Variants in MYO10 observed in about 807,000 individuals in gnomAD.
The protein encoded by MYO10 is myosin X, also known as unconventional myosin-X.
In MYO10, 133 loss-of-function variants were observed where a neutral mutation model predicts 257.3. The ratio of observed to expected loss-of-function variants is 0.52; its 90% CI spans 0.45 to 0.60. The LOEUF is 0.60. Ranked by LOEUF, MYO10 falls within the 20% of genes least tolerant of loss-of-function variation. The pLI is 0.00. For missense variants in MYO10, 2,399 were observed against 2,635.7 expected (o/e 0.91, Z 1.97); for synonymous variants, 1,104 against 1,028.6 (o/e 1.07, Z -1.40).
At chr5:16,932,585 C>T (rs62371044) in intron 1 of MYO10, among the ~76,000 whole-genome samples, 4,577 of 152,184 alleles carry the variant, frequency 0.03, 109 homozygotes, top group Non-Finnish European at 0.045. Flanking sequence ...AGCATACACA[C>T]AATTAACTCG....
chr5:16,778,424 A>C (rs1310546598), intron 9 of MYO10, among the ~76,000 whole-genome samples: 1 of 152,164 alleles, frequency 6.6e-6, no homozygotes, highest in Non-Finnish European at 1.5e-5. Context: ...TTAGGCAGAT[A>C]AAATGGGGTC....
intron 1 of MYO10, among the ~76,000 whole-genome samples, chr5:16,925,957 G>A (rs937404168): frequency 2.6e-5 from 4 of 152,138 alleles, no homozygotes; most frequent in Non-Finnish European, 5.9e-5. Flanking sequence ...TTTTCTTTGA[G>A]TGTCATTTCG....
intron 2 of MYO10, among the ~76,000 whole-genome samples, chr5:16,846,444 G>C (rs538779603): frequency 6.6e-6 from 1 of 152,280 alleles, no homozygotes; most frequent in South Asian, 2.1e-4. Flanking sequence ...ACCTGGGCCC[G>C]CAAAGTCTAC....
intron 2 of MYO10, among the ~76,000 whole-genome samples, chr5:16,843,044 C>G (rs1743530927): frequency 6.6e-6 from 1 of 152,070 alleles, no homozygotes; most frequent in Non-Finnish European, 1.5e-5. Flanking sequence ...CTTGGAAACC[C>G]TGCTATGGTT....
At position 16,701,509 on chromosome 5, in the gene MYO10, C is replaced by A; in HGVS notation, c.2886G>T (p.Ser962=). The part of the protein sequence containing the change: ...ECVRNIERSL[S]VGSEFSSELA... ...GCTCGCTGGAAAATTCGCTTCCCAC[C>A]GACAGGGACCGCTCGATATTCCGGA... Residue 962 remains serine, a synonymous_variant, in exon 25 of 41, where the codon TCG becomes TCT. Coordinates refer to ENST00000513610, the MANE Select transcript of MYO10 (RefSeq NM_012334.3). This position sits in a 1 kb window ranked among gnomAD's most constrained non-coding sequence, Gnocchi z 8.1. The A allele has an allele frequency of 1.9e-6, 3 of 1,614,020 alleles. No individual in the cohort carries two copies. Among genetic ancestry groups the A allele is most frequent in the Non-Finnish European group, 2.5e-6 (3 of 1,179,898 alleles).
At chr5:16,764,188 G>A in intron 12 of MYO10, 62 bp downstream of exon 12, 1 of 1,552,134 alleles carries the variant, frequency 6.4e-7, no homozygotes, top group Non-Finnish European at 8.8e-7. Context: ...ACAGAGATTT[G>A]TTCAATAGCA....
intron 1 of MYO10, among the ~76,000 whole-genome samples, chr5:16,922,980 G>A (rs896635719): frequency 6.6e-6 from 1 of 152,028 alleles, no homozygotes; most frequent in Non-Finnish European, 1.5e-5. Flanking sequence ...GCAGTGAGCT[G>A]TGATAGTGCC....
In MYO10 at chr5:16,870,474, C is replaced by A. The variant is rs1348309815; in HGVS notation, c.120+7135G>T. Among the ~76,000 whole-genome samples, 6 of 151,692 alleles carry A rather than the reference C, an allele frequency of 4.0e-5. 2 individuals are homozygous for A. Among genetic ancestry groups the A allele is most frequent in the African/African-American group, 1.5e-4 (6 of 41,052 alleles). ...GCTCTCCAGCCCCACCCCAACCTGC[C>A]TGTCAGAATCTGCATTTTAACAAGA... On this transcript the variant is annotated intron_variant, in intron 2 of 40. Coordinates refer to ENST00000513610, the MANE Select transcript of MYO10 (RefSeq NM_012334.3).
chr5:16,772,915 T>G (rs1560977025), intron 9 of MYO10, among the ~76,000 whole-genome samples: 4 of 151,982 alleles, frequency 2.6e-5, no homozygotes, highest in African/African-American at 9.7e-5. Flanking sequence ...GGGCCAGGTG[T>G]GGGGGGGTTG....
At chr5:16,767,397 T>C (rs1740905517) in intron 10 of MYO10, among the ~76,000 whole-genome samples, 1 of 152,024 alleles carries the variant, frequency 6.6e-6, no homozygotes, top group African/African-American at 2.4e-5. Flanking sequence ...CTCCAACTCC[T>C]GACCTCACGT....
At chr5:16,667,406 C>T (rs768721539) in intron 40 of MYO10, among the ~76,000 whole-genome samples, 18 of 152,168 alleles carry the variant, frequency 1.2e-4, no homozygotes, top group Non-Finnish European at 2.1e-4. Flanking sequence ...GCATCATAAC[C>T]GGCTTCCATA....
chr5:16,736,397 C>A (rs1739804256), intron 19 of MYO10, among the ~76,000 whole-genome samples: 1 of 152,208 alleles, frequency 6.6e-6, no homozygotes, highest in African/African-American at 2.4e-5. Flanking sequence ...TCTGCTGATG[C>A]AACAGCGCTG....
intron 19 of MYO10, among the ~76,000 whole-genome samples, chr5:16,720,024 A>G (rs31292): frequency 0.47 from 62,868 of 135,074 alleles, 14,871 homozygotes; most frequent in Admixed American, 0.55. Flanking sequence ...GTGTGTGTGT[A>G]TATGTATGTA....
intron 4 of MYO10, among the ~76,000 whole-genome samples, chr5:16,787,096 G>A (rs906285236): frequency 6.6e-6 from 1 of 152,142 alleles, no homozygotes; most frequent in African/African-American, 2.4e-5. Flanking sequence ...TTGAATCCGG[G>A]AGGCGGAGGT....
rs767968420 is a variant in MYO10, at chr5:16,679,923, C to A, written c.4542+24G>T. 2.5e-6 allele frequency: 4 copies of A among 1,609,400 alleles called. No individual in the cohort carries two copies. In the Admixed American group the frequency reaches 5.0e-5, roughly 20 times the overall value. ...GAATCTCTGAGCTGTAATCACCCACCTTGATGGGCTTGTCTTGGCTTACCT... is the reference window on the plus strand; with the variant it reads ...GAATCTCTGAGCTGTAATCACCCACATTGATGGGCTTGTCTTGGCTTACCT... On this transcript the variant is annotated intron_variant, in intron 33 of 40. Transcript: ENST00000513610.
At chr5:16,874,854 T>C (rs1177565712) in intron 2 of MYO10, among the ~76,000 whole-genome samples, 1 of 152,154 alleles carries the variant, frequency 6.6e-6, no homozygotes, top group Non-Finnish European at 1.5e-5. Flanking sequence ...TTTACTGTAT[T>C]AGTCCATTTT....
intron 1 of MYO10, among the ~76,000 whole-genome samples, chr5:16,883,159 C>T (rs776342834): frequency 6.6e-6 from 1 of 152,098 alleles, no homozygotes; most frequent in Non-Finnish European, 1.5e-5. Context: ...TTGTGATCCA[C>T]CCGCCTCGGC....
intron 2 of MYO10, among the ~76,000 whole-genome samples, chr5:16,852,786 A>G (rs1408428136): frequency 6.6e-6 from 1 of 152,154 alleles, no homozygotes; most frequent in African/African-American, 2.4e-5. Context: ...AATGATCTGG[A>G]AAGTCCTTTC....
intron 19 of MYO10, among the ~76,000 whole-genome samples, chr5:16,732,013 G>A (rs901468254): frequency 6.6e-6 from 1 of 152,184 alleles, no homozygotes; most frequent in African/African-American, 2.4e-5. Context: ...AGAGCAAGGA[G>A]GGACTGAGGG....
Sources: allele counts gnomAD v4.1 joint callset (sites outside exome capture counted in the v4.1 genomes callset), GRCh38; gene constraint gnomAD v4.1.1; non-coding constraint Gnocchi (gnomAD v3.1); transcripts MANE v1.5; gene names NCBI Gene and HGNC (gene_info 2026-07-23, HGNC 2026-07-21).